Variants in MUSK observed in about 807,000 individuals in gnomAD.
MUSK encodes the protein muscle, skeletal receptor tyrosine-protein kinase.
MUSK carries 55 observed loss-of-function variants against 88.7 expected under a neutral mutation model. The ratio of observed to expected loss-of-function variants is 0.62; its 90% CI spans 0.50 to 0.78. MUSK has a LOEUF of 0.78. Among genes scored for constraint, MUSK ranks in the 30% least tolerant of loss-of-function variants. The pLI is 0.00. For missense variants in MUSK, 1,015 were observed against 1,074.3 expected, an observed-to-expected ratio of 0.94 and a Z score of 0.77; for synonymous variants, 387 against 391.9, an observed-to-expected ratio of 0.99 and a Z score of 0.15.
intron 13 of MUSK, among the ~76,000 whole-genome samples, chr9:110,787,082 G>T (rs1302230932): frequency 6.6e-6 from 1 of 152,150 alleles, no homozygotes; most frequent in East Asian, 1.9e-4. Context: ...TTAGGATGTG[G>T]CTGGGCGCGA....
At chr9:110,777,338 T>C (rs1670806319) in intron 11 of MUSK, among the ~76,000 whole-genome samples, 1 of 152,152 alleles carries the variant, frequency 6.6e-6, no homozygotes, top group South Asian at 2.1e-4. Flanking sequence ...TAAATCACAC[T>C]TACTTCCTGT....
At chr9:110,689,229 A>C (rs2076247286) in intron 3 of MUSK, among the ~76,000 whole-genome samples, 1 of 51,272 alleles carries the variant, frequency 2.0e-5, no homozygotes, top group African/African-American at 1.7e-4. Flanking sequence ...TATAATATAT[A>C]AATATATAAA....
chr9:110,734,189 G>C, intron 5 of MUSK, 62 bp from the exon 6 acceptor site: 1 of 1,543,122 alleles, frequency 6.5e-7, no homozygotes, highest in Non-Finnish European at 8.8e-7. Context: ...ATTTCTAAAA[G>C]ACCACCCTAG....
chr9:110,755,016 C>T (rs2077293515), intron 7 of MUSK, among the ~76,000 whole-genome samples: 1 of 152,274 alleles, frequency 6.6e-6, no homozygotes, highest in Admixed American at 6.5e-5. Flanking sequence ...GCCTGCCTAT[C>T]TCAGTAAAAC....
At chr9:110,689,358 A>G (rs1192787152) in intron 3 of MUSK, among the ~76,000 whole-genome samples, 1 of 118,786 alleles carries the variant, frequency 8.4e-6, no homozygotes, top group Non-Finnish European at 1.6e-5. Context: ...AAATATATAT[A>G]AATACATATT....
chr9:110,771,628 T>C (rs2077576711), intron 9 of MUSK, among the ~76,000 whole-genome samples: 2 of 152,162 alleles, frequency 1.3e-5, no homozygotes, highest in Admixed American at 6.5e-5. Flanking sequence ...GAGATGGAAA[T>C]AGTTATGTGA....
At chr9:110,708,743 A>C (rs1192443371) in intron 5 of MUSK, among the ~76,000 whole-genome samples, 1 of 152,190 alleles carries the variant, frequency 6.6e-6, no homozygotes, top group East Asian at 1.9e-4. Context: ...TCTCTAAGAA[A>C]AAGTCACTTG....
intron 5 of MUSK, among the ~76,000 whole-genome samples, chr9:110,705,681 T>C (rs2076589750): frequency 6.6e-6 from 1 of 152,212 alleles, no homozygotes; most frequent in South Asian, 2.1e-4. Context: ...GGGAAGTTCC[T>C]ATAGGAAAGG....
At chr9:110,763,172 T>C (rs1398783133) in intron 8 of MUSK, among the ~76,000 whole-genome samples, 1 of 152,198 alleles carries the variant, frequency 6.6e-6, no homozygotes, top group Non-Finnish European at 1.5e-5. Flanking sequence ...TATATATTGC[T>C]CTGAAAAGCA....
chr9:110,689,934 A>C (rs1251757293), intron 3 of MUSK, among the ~76,000 whole-genome samples: 1 of 95,038 alleles, frequency 1.1e-5, no homozygotes, highest in African/African-American at 4.5e-5. Flanking sequence ...AATATAATAT[A>C]TAAATATATA....
intron 9 of MUSK, among the ~76,000 whole-genome samples, chr9:110,770,933 A>G (rs1311495940): frequency 6.6e-6 from 1 of 152,042 alleles, no homozygotes; most frequent in Non-Finnish European, 1.5e-5. Context: ...TGTACATTTT[A>G]GAGTTGAACT....
rs2076149149 is a variant in MUSK, at chr9:110,682,741, T to C, written c.147T>C (p.Cys49=). The C allele has an allele frequency of 1.9e-6, 3 of 1,612,806 alleles. No homozygotes were observed. Among genetic ancestry groups the C allele is most frequent in the Non-Finnish European group, 2.5e-6 (3 of 1,179,090 alleles). Residue 49 remains cysteine (C), a synonymous_variant, in exon 2 of 15, where the codon TGT becomes TGC. Coordinates refer to ENST00000374448, the MANE Select transcript of MUSK (RefSeq NM_005592.4). ...ALVEEVATFM[C]AVESYPQPEI... ...TTGAAGAAGTGGCTACTTTCATGTG[T>C]GCAGTGGAATCCTACCCCCAGCCTG...
chr9:110,805,988 G>A lies in MUSK; in HGVS notation c.*5000G>A, dbSNP rs1447669039. Among the ~76,000 whole-genome samples, 2 of 151,752 alleles carry A rather than the reference G, an allele frequency of 1.3e-5. No homozygotes were observed. Among genetic ancestry groups the A allele is most frequent in the East Asian group, 3.9e-4 (2 of 5,168 alleles). ...TTATTTTTAAATAATTGTTATTTATGAAAGTAATACATAAAAATGTTGTTT... is the reference window on the plus strand; with the variant it reads ...TTATTTTTAAATAATTGTTATTTATAAAAGTAATACATAAAAATGTTGTTT... On this transcript the variant is annotated 3_prime_UTR_variant, in exon 15 of 15. Coordinates refer to ENST00000374448, the MANE Select transcript of MUSK (RefSeq NM_005592.4).
At chr9:110,767,668 A>G (rs1313424662) in intron 8 of MUSK, 152 bp from the exon 9 acceptor site, 2 of 797,012 alleles carry the variant, frequency 2.5e-6, no homozygotes, top group Non-Finnish European at 4.2e-6. Context: ...GGAAATGAAG[A>G]CAATATTCAA....
chr9:110,721,468 CAAGAACTCA>C (rs1344361676), intron 5 of MUSK, among the ~76,000 whole-genome samples: 2 of 152,120 alleles, frequency 1.3e-5, no homozygotes, highest in East Asian at 3.9e-4. Context: ...AAAATCAAAT[CAAGAACTCA>C]ACTGCTTTTA....
intron 11 of MUSK, among the ~76,000 whole-genome samples, chr9:110,781,836 C>G (rs531964196): frequency 1.4e-4 from 22 of 152,110 alleles, no homozygotes; most frequent in African/African-American, 1.7e-4. Context: ...GGACTCTACC[C>G]TTATTCATTT....
chr9:110,679,432 C>T (rs190622560), intron 1 of MUSK, among the ~76,000 whole-genome samples: 1,748 of 151,860 alleles, frequency 0.012, 19 homozygotes, highest in Middle Eastern at 0.031. Flanking sequence ...TACATATTTT[C>T]CCTCCCCTTT....
intron 3 of MUSK, among the ~76,000 whole-genome samples, chr9:110,691,974 T>C (rs71501644): frequency 0.075 from 11,455 of 152,182 alleles, 549 homozygotes; most frequent in African/African-American, 0.12. Flanking sequence ...AGATGAGAAG[T>C]CTTTTTCTTA....
chr9:110,762,517 C>T (rs2077417042), intron 8 of MUSK, among the ~76,000 whole-genome samples: 1 of 152,104 alleles, frequency 6.6e-6, no homozygotes, highest in Non-Finnish European at 1.5e-5. Context: ...TTAAATCTAT[C>T]TTCAAGACAT....
Sources: gnomAD v4.1 joint callset for allele counts (sites outside exome capture counted in the v4.1 genomes callset) on GRCh38, gnomAD v4.1.1 for gene constraint, MANE v1.5 for transcripts, NCBI Gene and HGNC (gene_info 2026-07-23, HGNC 2026-07-21) for gene names.